The following FUT8 variants were observed in gnomAD, a reference collection of about 807,000 sequenced individuals.
FUT8 encodes the protein fucosyltransferase 8, also known as alpha-(1,6)-fucosyltransferase.
FUT8 carries 29 observed loss-of-function variants against 71.3 expected under a neutral mutation model. The observed-to-expected ratio is 0.41, with a 90% CI of 0.30 to 0.55. FUT8 has a LOEUF of 0.55. Among genes scored for constraint, FUT8 ranks in the 20% least tolerant of loss-of-function variants. The pLI is 0.34. For missense variants in FUT8, 544 were observed against 702.1 expected (o/e 0.77, Z 2.55); for synonymous variants, 254 against 239.3 (o/e 1.06, Z -0.57).
At chr14:65,645,785 T>C (rs1891096471) in intron 6 of FUT8, among the ~76,000 whole-genome samples, 1 of 152,242 alleles carries the variant, frequency 6.6e-6, no homozygotes, top group African/African-American at 2.4e-5. Flanking sequence ...ATTTCTGTTA[T>C]TACCTTGTAC....
At chr14:65,554,515 A>G (rs376003311) in intron 2 of FUT8, among the ~76,000 whole-genome samples, 5 of 151,520 alleles carry the variant, frequency 3.3e-5, no homozygotes. Context: ...AAAGGCAACA[A>G]AGATTGAGGT....
chr14:65,742,636 G>T lies in FUT8; in HGVS notation c.*226G>T, dbSNP rs574241023. 4.1e-6 allele frequency: 2 copies of T among 482,156 alleles called. No homozygotes were observed. The highest frequency in any genetic ancestry group is 1.9e-5 in the African/African-American group (1 of 52,172). 29.9% of individuals were successfully genotyped at this position (482,156 alleles called of 1,614,324 possible). A position where few individuals can be genotyped will look rare whatever the true frequency, so the allele number is the denominator to read the frequency against. On this transcript the variant is annotated 3_prime_UTR_variant, in exon 11 of 11. Coordinates refer to ENST00000673929, the MANE Select transcript of FUT8 (RefSeq NM_001371533.1). ...TCATACCCATGCACAGTACAATAAT[G>T]TACTCACATATAACATGCAAACAGG...
chr14:65,698,692 G>C (rs1018469020), intron 7 of FUT8, among the ~76,000 whole-genome samples: 1 of 152,150 alleles, frequency 6.6e-6, no homozygotes, highest in African/African-American at 2.4e-5. Flanking sequence ...ATGCTGGATG[G>C]TAGGCTCATC....
chr14:65,503,353 A>G (rs1472200048), intron 2 of FUT8, among the ~76,000 whole-genome samples: 1 of 152,186 alleles, frequency 6.6e-6, no homozygotes, highest in East Asian at 1.9e-4. Flanking sequence ...ACTCTTATTT[A>G]TTGATTGTTC....
intron 3 of FUT8, among the ~76,000 whole-genome samples, chr14:65,594,286 G>C (rs1320260125): frequency 7.2e-5 from 11 of 152,294 alleles, no homozygotes; most frequent in Non-Finnish European, 1.6e-4. Flanking sequence ...ACTTTGGTCT[G>C]CCTGGCTCCA....
chr14:65,357,877 T>C, the FUT8 span, among the ~76,000 whole-genome samples: 1 of 152,214 alleles, frequency 6.6e-6, no homozygotes, highest in Admixed American at 6.5e-5. Context: ...AAATTTGCAA[T>C]TTAATAGTGA....
At chr14:65,721,721 G>T (rs1235577034) in intron 7 of FUT8, 54 bp from the exon 8 acceptor site, 22 of 1,568,662 alleles carry the variant, frequency 1.4e-5, no homozygotes, top group Non-Finnish European at 1.8e-5. Flanking sequence ...TTGTTGAATG[G>T]TGGATGTATA....
rs61617981 is a variant in FUT8, at chr14:65,421,194, GAAAAAA to G, written c.-326+7997_-326+8002del. ...GCGACAGAGCGGGACTCCATCTCAG[GAAAAAA>G]AAAAAAAAAAAAAAAATCATAAGGA... On this transcript the variant is annotated intron_variant, in intron 1 of 10. Transcript: ENST00000673929. 1.8e-3 allele frequency among the ~76,000 whole-genome samples: 168 copies of G among 94,832 alleles called. 1 individual carries two copies. The highest frequency in any genetic ancestry group is 6.7e-3 in the African/African-American group (164 of 24,620). The allele number at this position is 94,832 out of a possible 152,430, so 62.2% of individuals were successfully genotyped here.
intron 2 of FUT8, among the ~76,000 whole-genome samples, chr14:65,546,934 C>G (rs531821102): frequency 2.2e-4 from 34 of 151,756 alleles, no homozygotes; most frequent in African/African-American, 7.2e-4. Context: ...TTCAAGTAAT[C>G]TATTCTTTAT....
At chr14:65,727,515 G>A (rs893511199) in intron 9 of FUT8, among the ~76,000 whole-genome samples, 4 of 152,120 alleles carry the variant, frequency 2.6e-5, no homozygotes, top group Middle Eastern at 3.4e-3. Context: ...TTGTCATGAC[G>A]GAAGCAGCTG....
chr14:65,492,333 A>T (rs1420983979), intron 2 of FUT8, among the ~76,000 whole-genome samples: 1 of 152,212 alleles, frequency 6.6e-6, no homozygotes, highest in Non-Finnish European at 1.5e-5. Flanking sequence ...GTGAGCTATA[A>T]CAAGTGGAGG....
chr14:65,479,985 C>G (rs976514324), intron 2 of FUT8, among the ~76,000 whole-genome samples: 4 of 151,860 alleles, frequency 2.6e-5, no homozygotes, highest in African/African-American at 9.7e-5. Context: ...TATTTTGCTG[C>G]TATCCTTTGG....
intron 7 of FUT8, among the ~76,000 whole-genome samples, chr14:65,691,803 C>CT (rs1893614398): frequency 1.3e-5 from 2 of 151,804 alleles, no homozygotes; most frequent in South Asian, 2.1e-4. Context: ...GGTGATGACT[C>CT]TTAACGAGCA....
intron 2 of FUT8, among the ~76,000 whole-genome samples, chr14:65,524,824 G>C (rs185204143): frequency 1.4e-4 from 22 of 152,254 alleles, no homozygotes; most frequent in Admixed American, 3.9e-4. Flanking sequence ...TGCATCTATT[G>C]AGATAATCAT....
At position 65,643,665 on chromosome 14, in the gene FUT8, TACACACACACACACACAC is replaced by T. The variant is rs60967671; in HGVS notation, c.597+14092_597+14109del. Among the ~76,000 whole-genome samples, 67 of 124,738 alleles carry T rather than the reference TACACACACACACACACAC, an allele frequency of 5.4e-4. No homozygotes were observed. Among genetic ancestry groups the T allele is most frequent in the South Asian group, 3.9e-3 (13 of 3,348 alleles). The allele number at this position is 124,738 out of a possible 152,430, so 81.8% of individuals were successfully genotyped here. A position where few individuals can be genotyped will look rare whatever the true frequency, so the allele number is the denominator to read the frequency against. ...CGAGACTCCGTCTTTAAAAAAAAAA[TACACACACACACACACAC>T]ACACACACACACACACACACACACA... is the stretch of plus-strand genomic sequence containing the variant. On this transcript the variant is annotated intron_variant, in intron 6 of 10. Transcript: ENST00000673929. The surrounding 1 kb of genome is among the most constrained non-coding windows in gnomAD (Gnocchi z 4.5).
intron 3 of FUT8, among the ~76,000 whole-genome samples, chr14:65,578,637 C>T (rs1340921572): frequency 6.6e-6 from 1 of 151,984 alleles, no homozygotes; most frequent in Non-Finnish European, 1.5e-5. Flanking sequence ...TCTAATGTGG[C>T]CCAGGGAAGC....
In FUT8 at chr14:65,743,900, G is replaced by A. The variant is rs1360017650; in HGVS notation, c.*1490G>A. The A allele has an allele frequency of 2.0e-5, 3 of 151,770 alleles. No homozygotes were observed. Among genetic ancestry groups the A allele is most frequent in the African/African-American group, 7.3e-5 (3 of 41,366 alleles). The allele number at this position is 151,770 out of a possible 1,614,324, so 9.4% of individuals were successfully genotyped here. ...GTCATCTCTGTAGGAGCGACTATCA[G>A]GCCTAGTGTGAAATATTAGGGATCC... On this transcript the variant is annotated 3_prime_UTR_variant, in exon 11 of 11. Coordinates refer to ENST00000673929, the MANE Select transcript of FUT8 (RefSeq NM_001371533.1).
chr14:65,465,014 T>C (rs1443996416), intron 2 of FUT8, among the ~76,000 whole-genome samples: 1 of 152,248 alleles, frequency 6.6e-6, no homozygotes, highest in Non-Finnish European at 1.5e-5. Flanking sequence ...GATTTAGGCT[T>C]ATTCAGATTA....
chr14:65,585,658 A>C (rs1268110705), intron 3 of FUT8, among the ~76,000 whole-genome samples: 1 of 152,250 alleles, frequency 6.6e-6, no homozygotes, highest in Non-Finnish European at 1.5e-5. Context: ...TTAGACAAGG[A>C]ATAAAAAAAG....
Sources: gnomAD v4.1 joint callset for allele counts (sites outside exome capture counted in the v4.1 genomes callset) on GRCh38, gnomAD v4.1.1 for gene constraint, Gnocchi (gnomAD v3.1) non-coding constraint, MANE v1.5 for transcripts, NCBI Gene and HGNC (gene_info 2026-07-23, HGNC 2026-07-21) for gene names.